Variants in UNC13C observed in about 807,000 individuals in gnomAD.
UNC13C encodes unc-13 homolog C, also known as protein unc-13 homolog C.
UNC13C carries 174 observed loss-of-function variants against 245.4 expected under a neutral mutation model. That is an observed-to-expected ratio of 0.71 (90% CI 0.63 to 0.80). The LOEUF (loss-of-function observed/expected upper bound fraction) is 0.80, where lower values mean the gene tolerates loss of function less well. UNC13C is among the 30% of genes least tolerant of loss of function. The pLI is 0.00. For synonymous variants in UNC13C, 992 were observed against 895.1 expected, an observed-to-expected ratio of 1.11 and a Z score of -1.93; for missense variants, 2,829 against 2,602.9, an observed-to-expected ratio of 1.09 and a Z score of -1.89.
chr15:53,883,469 G>T, the UNC13C span, among the ~76,000 whole-genome samples: 1 of 152,124 alleles, frequency 6.6e-6, no homozygotes, highest in Non-Finnish European at 1.5e-5. Flanking sequence ...TTTGGCATGG[G>T]GTTCAAGAGT....
intron 4 of UNC13C, among the ~76,000 whole-genome samples, chr15:54,198,722 C>T (rs1346364280): frequency 1.3e-5 from 2 of 152,058 alleles, no homozygotes; most frequent in East Asian, 1.9e-4. Flanking sequence ...GCCTTTGAAT[C>T]CCAGATCTTC....
intron 17 of UNC13C, among the ~76,000 whole-genome samples, chr15:54,370,763 A>G (rs2039470250): frequency 1.3e-5 from 2 of 152,270 alleles, no homozygotes; most frequent in African/African-American, 4.8e-5. Context: ...TTCAAATAAT[A>G]TCTGAATATG....
rs200659910 is a variant in UNC13C at position 54,191,145 on chromosome 15, C to T, written c.3072-43885C>T. Among the ~76,000 whole-genome samples the T allele has an allele frequency of 9.9e-5, 15 of 152,210 alleles. No homozygotes were observed. In the East Asian group the frequency reaches 2.9e-3, roughly 29 times the overall value. ...ATACACGTGCCATGGTGGTTTGCTGCACCCATCAACCCGTCATCTACATGA... is the reference window on the plus strand; with the variant it reads ...ATACACGTGCCATGGTGGTTTGCTGTACCCATCAACCCGTCATCTACATGA... On this transcript the variant is annotated intron_variant, in intron 4 of 32. Coordinates refer to ENST00000260323, the MANE Select transcript of UNC13C (RefSeq NM_001080534.3).
chr15:54,152,056 G>A (rs1189236750), intron 4 of UNC13C, among the ~76,000 whole-genome samples: 2 of 152,132 alleles, frequency 1.3e-5, no homozygotes, highest in African/African-American at 4.8e-5. Context: ...GCATATTAGC[G>A]ATATAAGTTT....
At chr15:54,272,161 A>G (rs963339323) in intron 10 of UNC13C, among the ~76,000 whole-genome samples, 15 of 152,188 alleles carry the variant, frequency 9.9e-5, no homozygotes, top group Non-Finnish European at 1.6e-4. Context: ...CACTAAACTC[A>G]TAATGCTGTA....
the UNC13C span, among the ~76,000 whole-genome samples, chr15:53,971,391 T>C: frequency 6.6e-6 from 1 of 152,214 alleles, no homozygotes; most frequent in South Asian, 2.1e-4. Flanking sequence ...TTCTCAGTGA[T>C]TTGTTAAATA....
intron 8 of UNC13C, among the ~76,000 whole-genome samples, chr15:54,263,578 A>G (rs2036480185): frequency 6.6e-6 from 1 of 152,172 alleles, no homozygotes. Context: ...AAAGCTCTGG[A>G]TATATTAGAG....
At chr15:54,127,448 C>T (rs2031119558) in intron 2 of UNC13C, among the ~76,000 whole-genome samples, 1 of 152,048 alleles carries the variant, frequency 6.6e-6, no homozygotes, top group Admixed American at 6.6e-5. Flanking sequence ...AGCAAACTAA[C>T]ACAGGAACAG....
chr15:53,933,331 GA>G, the UNC13C span, among the ~76,000 whole-genome samples: 12 of 151,494 alleles, frequency 7.9e-5, no homozygotes, highest in African/African-American at 2.9e-4. Context: ...CTTCAATAAA[GA>G]AAAAACATCA....
At position 54,344,656 on chromosome 15, in the gene UNC13C, A is replaced by G. The variant is rs184311494; in HGVS notation, c.4713+6167A>G. ...AAGCCATCTAGGAATACTTCATATG[A>G]TTAAGGCTTATCTCCCCTCAGTTGG... On this transcript the variant is annotated intron_variant, in intron 17 of 32. Transcript: ENST00000260323. Among the ~76,000 whole-genome samples, 34 of 152,318 alleles carry G rather than the reference A, an allele frequency of 2.2e-4. No individual in the cohort carries two copies. The East Asian group carries it at 6.4e-3, about 29-fold the overall frequency.
At chr15:53,960,150 G>C in the UNC13C span, among the ~76,000 whole-genome samples, 6 of 152,022 alleles carry the variant, frequency 3.9e-5, no homozygotes, top group African/African-American at 1.4e-4. Flanking sequence ...TTTTGAATCT[G>C]ACTGGAATGA....
intron 13 of UNC13C, among the ~76,000 whole-genome samples, chr15:54,314,992 T>G (rs373340202): frequency 6.6e-6 from 1 of 151,818 alleles, no homozygotes; most frequent in South Asian, 2.1e-4. Flanking sequence ...TCGTTCTTAA[T>G]GAAAGCATGG....
chr15:54,423,662 T>C (rs761458065), intron 19 of UNC13C, among the ~76,000 whole-genome samples: 8 of 151,694 alleles, frequency 5.3e-5, no homozygotes, highest in Non-Finnish European at 8.8e-5. Flanking sequence ...GAAGGAAAAA[T>C]ATAGTAAGAG....
chr15:54,337,518 C>T, intron 16 of UNC13C, among the ~76,000 whole-genome samples: 1 of 152,174 alleles, frequency 6.6e-6, no homozygotes, highest in Non-Finnish European at 1.5e-5. Context: ...TTGGGGTCAA[C>T]TGGAGTCAGC....
chr15:54,288,348 G>A (rs1332594540), intron 10 of UNC13C, among the ~76,000 whole-genome samples: 2 of 152,084 alleles, frequency 1.3e-5, no homozygotes, highest in Admixed American at 6.6e-5. Context: ...ACTCAAGGGT[G>A]AGTACTGTGA....
At chr15:53,892,280 C>A in the UNC13C span, among the ~76,000 whole-genome samples, 3 of 152,132 alleles carry the variant, frequency 2.0e-5, no homozygotes, top group Non-Finnish European at 4.4e-5. Flanking sequence ...TGTGGGTAAC[C>A]CAACCTTTTT....
chr15:54,124,270 G>A (rs1046307726), intron 2 of UNC13C, among the ~76,000 whole-genome samples: 4 of 152,130 alleles, frequency 2.6e-5, no homozygotes, highest in Non-Finnish European at 4.4e-5. Context: ...CATCGTACAC[G>A]AGACCCAGTT....
chr15:54,206,475 A>G (rs1242739060), intron 4 of UNC13C, among the ~76,000 whole-genome samples: 3 of 152,086 alleles, frequency 2.0e-5, no homozygotes, highest in African/African-American at 7.2e-5. Flanking sequence ...CGGAATATTA[A>G]TTGTTTTGTT....
At chr15:53,979,148 A>T (rs1008618425) in intron 1 of UNC13C, among the ~76,000 whole-genome samples, 1 of 152,170 alleles carries the variant, frequency 6.6e-6, no homozygotes, top group African/African-American at 2.4e-5. Context: ...AAAAGAATTC[A>T]GAATGATAAA....
Sources: allele counts gnomAD v4.1 joint callset (sites outside exome capture counted in the v4.1 genomes callset), GRCh38; gene constraint gnomAD v4.1.1; transcripts MANE v1.5; gene names NCBI Gene and HGNC (gene_info 2026-07-23, HGNC 2026-07-21).